Variants in LSM6 observed in about 807,000 individuals in gnomAD.
LSM6 encodes U6 snRNA-associated Sm-like protein LSm6.
In LSM6, 2 loss-of-function variants were observed where a neutral mutation model predicts 13.5. The observed-to-expected ratio is 0.15, with a 90% confidence interval of 0.06 to 0.47. The LOEUF is 0.47. Among genes scored for constraint, LSM6 ranks in the 20% least tolerant of loss-of-function variants. The pLI is 0.97. For synonymous variants in LSM6, 43 were observed against 34.9 expected (o/e 1.23, Z -0.82); for missense variants, 58 against 96.4 (o/e 0.60, Z 1.67).
rs190114576 is a variant in LSM6 at position 146,184,990 on chromosome 4, G to T, written c.94+1975G>T. On this transcript the variant is annotated intron_variant, in intron 2 of 3. Transcript: ENST00000296581. ...ATTTAGTTTTGTAATAATATAGAGG[G>T]TTTAATGGCTGCATAGGAATCTCTT... Among the ~76,000 whole-genome samples the T allele has an allele frequency of 2.0e-5, 3 of 152,160 alleles. No individual in the cohort carries two copies. In the East Asian group the frequency reaches 5.8e-4, roughly 29 times the overall value.
chr4:146,178,447 A>T (rs1045993299), intron 1 of LSM6, among the ~76,000 whole-genome samples: 1 of 151,984 alleles, frequency 6.6e-6, no homozygotes, highest in African/African-American at 2.4e-5. Context: ...ACAGCGAGGA[A>T]CTCCACTGTG....
intron 1 of LSM6, among the ~76,000 whole-genome samples, chr4:146,177,790 G>T (rs754953964): frequency 2.0e-5 from 3 of 152,186 alleles, no homozygotes; most frequent in Non-Finnish European, 4.4e-5. Context: ...TAGGATAGCA[G>T]TAGCACCACC....
intron 2 of LSM6, among the ~76,000 whole-genome samples, chr4:146,184,069 C>T (rs1243428260): frequency 2.0e-5 from 3 of 152,006 alleles, no homozygotes; most frequent in Non-Finnish European, 4.4e-5. Context: ...GTGAGGGCTA[C>T]GTCCTCCAGA....
intron 3 of LSM6, among the ~76,000 whole-genome samples, chr4:146,188,846 T>A (rs974374122): frequency 7.0e-6 from 1 of 142,940 alleles, no homozygotes; most frequent in African/African-American, 2.4e-5. Context: ...ACTCCTTAGC[T>A]CTTGTTTATC....
At chr4:146,182,612 A>G (rs1423654590) in intron 1 of LSM6, among the ~76,000 whole-genome samples, 1 of 152,248 alleles carries the variant, frequency 6.6e-6, no homozygotes, top group East Asian at 1.9e-4. Context: ...TCAGGCAGTA[A>G]TGATAAGTGA....
rs1730470197 is a variant in LSM6 at position 146,191,534 on chromosome 4, A to G, written c.*1878A>G. On this transcript the variant is annotated 3_prime_UTR_variant, in exon 4 of 4. Coordinates refer to ENST00000296581, the MANE Select transcript of LSM6 (RefSeq NM_007080.3). ...AATAAAGGACTGTATTATGCACTTG[A>G]ACCCGCTCAAGTTGTCCCCTGTGTA... 6.6e-6 allele frequency: 1 copy of G among 152,226 alleles called. No individual in the cohort carries two copies. Among genetic ancestry groups the G allele is most frequent in the Non-Finnish European group, 1.5e-5 (1 of 68,044 alleles). The allele number at this position is 152,226 out of a possible 1,614,324, so 9.4% of individuals were successfully genotyped here.
Position 146,182,353 on chromosome 4 carries a change from A to G in LSM6, c.-10-559A>G, listed in dbSNP as rs556679076. 2.0e-5 allele frequency among the ~76,000 whole-genome samples: 3 copies of G among 152,338 alleles called. No homozygotes were observed. In the East Asian group the frequency reaches 5.8e-4, roughly 29 times the overall value. On this transcript the variant is annotated intron_variant, in intron 1 of 3. Transcript: ENST00000296581. ...TTCATAAATATGTCTGTTCTATATAATACGGACTTTAAAATAGGGCTGATT... is the reference window on the plus strand; with the variant it reads ...TTCATAAATATGTCTGTTCTATATAGTACGGACTTTAAAATAGGGCTGATT...
chr4:146,186,382 CTA>C (rs991773638), intron 2 of LSM6, among the ~76,000 whole-genome samples: 8 of 152,024 alleles, frequency 5.3e-5, no homozygotes, highest in Non-Finnish European at 1.2e-4. Flanking sequence ...AAATGAGAAA[CTA>C]TAGACTCGAC....
intron 3 of LSM6, among the ~76,000 whole-genome samples, chr4:146,187,863 T>C (rs1730381759): frequency 6.6e-6 from 1 of 152,242 alleles, no homozygotes. Flanking sequence ...AAAAAGTTAC[T>C]CAGTTTTTAA....
chr4:146,188,758 A>G (rs2110892179), intron 3 of LSM6, among the ~76,000 whole-genome samples: 1 of 152,318 alleles, frequency 6.6e-6, no homozygotes, highest in African/African-American at 2.4e-5. Flanking sequence ...AACATTAGGT[A>G]ACACCAAAGT....
chr4:146,182,874 C>G, intron 1 of LSM6, 38 bp from the exon 2 acceptor site: 1 of 1,256,450 alleles, frequency 8.0e-7, no homozygotes, highest in Non-Finnish European at 1.2e-6. Context: ...CAACTTTGGT[C>G]TTTACCTTTT....
chr4:146,177,571 C>T (rs917016265), intron 1 of LSM6, among the ~76,000 whole-genome samples: 3 of 152,162 alleles, frequency 2.0e-5, no homozygotes, highest in African/African-American at 7.2e-5. Context: ...TTATCATTTG[C>T]GGTACCTTGG....
intron 1 of LSM6, chr4:146,181,370 A>C (rs930931530): frequency 5.3e-5 from 8 of 152,132 alleles, no homozygotes; most frequent in African/African-American, 1.4e-4. Context: ...ATTCTTCTAG[A>C]TTTTAAGTTC....
rs1730264443 is a variant in LSM6, at chr4:146,182,984, G to A, written c.63G>A (p.Val21=). ...AGCAAATCATCGGACGACCAGTTGT[G>A]GTAAAATTAAATTCTGGAGTGGATT... ...FLKQIIGRPV[V]VKLNSGVDYR... is the part of the protein sequence containing the mutation. The change falls in exon 2 of 4, where the codon GTG becomes GTA. Residue 21 remains valine (V), a synonymous_variant. Coordinates refer to ENST00000296581, the MANE Select transcript of LSM6 (RefSeq NM_007080.3). 6.2e-7 allele frequency: 1 copy of A among 1,613,222 alleles called. No homozygotes were observed.
chr4:146,190,066 T>A lies in LSM6; in HGVS notation c.*410T>A, dbSNP rs1181306271. On this transcript the variant is annotated 3_prime_UTR_variant, in exon 4 of 4. Transcript: ENST00000296581. ...GAGGAATCCTCCTTTATTGCATCCT[T>A]TTCTGTTCATACAGAATCCTTGCGT... The A allele has an allele frequency of 6.2e-6, 1 of 160,326 alleles. No individual in the cohort carries two copies. The highest frequency in any genetic ancestry group is 2.4e-5 in the African/African-American group (1 of 41,560). The allele number at this position is 160,326 out of a possible 1,614,324, so 9.9% of individuals were successfully genotyped here.
chr4:146,184,136 C>T (rs1409297037), intron 2 of LSM6, among the ~76,000 whole-genome samples: 9 of 143,208 alleles, frequency 6.3e-5, no homozygotes, highest in Admixed American at 2.7e-4. Flanking sequence ...CAGCACACTG[C>T]GTGAAGACTT....
chr4:146,190,632 G>C lies in LSM6; in HGVS notation c.*976G>C, dbSNP rs968475575. On this transcript the variant is annotated 3_prime_UTR_variant, in exon 4 of 4. Transcript: ENST00000296581. ...CCAGGCTTTATGTTGCTTGGCACAA[G>C]GCAGCTCCTCTGGTTATGTGACTCC... 1 of 152,218 alleles carries C rather than the reference G, an allele frequency of 6.6e-6. No homozygotes were observed. The highest frequency in any genetic ancestry group is 2.4e-5 in the African/African-American group (1 of 41,444). 9.4% of individuals were successfully genotyped at this position (152,218 alleles called of 1,614,324 possible).
intron 2 of LSM6, among the ~76,000 whole-genome samples, chr4:146,183,965 A>G (rs1730291540): frequency 6.8e-6 from 1 of 147,462 alleles, no homozygotes; most frequent in Non-Finnish European, 1.5e-5. Context: ...CTCCGCCTCT[A>G]GACTGGGTAA....
chr4:146,183,042 TG>T, intron 2 of LSM6, 27 bp downstream of exon 2: 1 of 1,436,310 alleles, frequency 7.0e-7, no homozygotes, highest in Non-Finnish European at 9.8e-7. Flanking sequence ...TCAACCTCAC[TG>T]GTATAACTGA....
Sources: gnomAD v4.1 joint callset for allele counts (sites outside exome capture counted in the v4.1 genomes callset) on GRCh38, gnomAD v4.1.1 for gene constraint, MANE v1.5 for transcripts, NCBI Gene and HGNC (gene_info 2026-07-23, HGNC 2026-07-21) for gene names.